Variants in SLC26A2 observed in about 807,000 individuals in gnomAD.
SLC26A2 encodes the protein sulfate transporter.
A neutral mutation model predicts 41.1 loss-of-function variants in SLC26A2; 36 were observed. That is an observed-to-expected ratio of 0.88 (90% CI 0.67 to 1.16). The LOEUF is 1.16. SLC26A2 is among the 50% of genes most tolerant of loss of function. The pLI, the probability that SLC26A2 is intolerant of heterozygous loss-of-function variation, is 0.00. For missense variants in SLC26A2, 796 were observed against 869.6 expected (o/e 0.92, Z 1.07); for synonymous variants, 291 against 311.6 (o/e 0.93, Z 0.70).
chr5:149,965,611 C>T (rs968551087), intron 1 of SLC26A2, among the ~76,000 whole-genome samples: 3 of 151,090 alleles, frequency 2.0e-5, no homozygotes, highest in Non-Finnish European at 4.4e-5. Context: ...GTAGCTCTTA[C>T]CAGTCTAGTC....
chr5:149,962,827 T>C (rs761649955), intron 1 of SLC26A2, among the ~76,000 whole-genome samples: 14 of 152,136 alleles, frequency 9.2e-5, no homozygotes, highest in Non-Finnish European at 1.6e-4. Flanking sequence ...TTTTTCCTTA[T>C]CATATAGCTG....
At chr5:149,967,959 T>TA (rs1754833903) in intron 1 of SLC26A2, among the ~76,000 whole-genome samples, 1 of 151,818 alleles carries the variant, frequency 6.6e-6, no homozygotes, top group Admixed American at 6.6e-5. Flanking sequence ...AATCATACAA[T>TA]ACTTGTCCTT....
intron 2 of SLC26A2, 34 bp from the exon 3 acceptor site, chr5:149,980,259 T>G: frequency 6.5e-7 from 1 of 1,546,774 alleles, no homozygotes; most frequent in Non-Finnish European, 8.9e-7. Flanking sequence ...TTCTTTTCCA[T>G]TTATATTTAA....
At chr5:149,979,718 G>A (rs1362137618) in intron 2 of SLC26A2, among the ~76,000 whole-genome samples, 1 of 130,162 alleles carries the variant, frequency 7.7e-6, no homozygotes, top group Admixed American at 8.9e-5. Flanking sequence ...CTTAGTATGA[G>A]GTTAAAGATA....
Position 149,981,307 on chromosome 5 carries a change from C to T in SLC26A2, c.1714C>T (p.Leu572Phe). The T allele has an allele frequency of 1.2e-6, 2 of 1,614,098 alleles. No homozygotes were observed. Among genetic ancestry groups the T allele is most frequent in the Non-Finnish European group, 1.7e-6 (2 of 1,179,994 alleles). ...VFESVSAYKN[L>F]QIKPGIKIFR... ...TGAATCTGTGTCTGCTTACAAGAAC[C>T]TTCAGATTAAGCCAGGCATCAAGAT... The change falls in exon 3 of 3, where the codon CTT becomes TTT. Residue 572 changes from leucine (L) to phenylalanine (F), a missense_variant. Transcript: ENST00000286298.
rs758533023 is a variant in SLC26A2, at chr5:149,981,166, C to G, written c.1573C>G (p.Leu525Val). 5 of 1,614,112 alleles carry G rather than the reference C, an allele frequency of 3.1e-6. No individual in the cohort carries two copies. Among genetic ancestry groups the G allele is most frequent in the Non-Finnish European group, 4.2e-6 (5 of 1,180,004 alleles). Residue 525 changes from leucine (L) to valine (V), a missense_variant, in exon 3 of 3, where the codon CTA (leucine) becomes GTA (valine). By Grantham distance (32) the Leu-to-Val change is conservative. Coordinates refer to ENST00000286298, the MANE Select transcript of SLC26A2 (RefSeq NM_000112.4). ...TGTTACTATGCTGTCCTCTGCACTG[C>G]TAAGTACTGAAATAGGCCTACTTGT... Reference protein sequence around the residue: ...WFVTMLSSALLSTEIGLLVGV... With the variant: ...WFVTMLSSALVSTEIGLLVGV...
chr5:149,967,011 T>C (rs1754816441), intron 1 of SLC26A2, among the ~76,000 whole-genome samples: 1 of 152,110 alleles, frequency 6.6e-6, no homozygotes, highest in Non-Finnish European at 1.5e-5. Context: ...GAAAACAAAA[T>C]GACTTAGCTG....
chr5:149,978,445 A>G, intron 2 of SLC26A2, 94 bp downstream of exon 2: 1 of 1,083,290 alleles, frequency 9.2e-7, no homozygotes, highest in Non-Finnish European at 1.4e-6. Flanking sequence ...CACAATAATT[A>G]AAGGTATCAT....
intron 1 of SLC26A2, among the ~76,000 whole-genome samples, chr5:149,975,761 C>T (rs1055745617): frequency 2.0e-5 from 3 of 152,134 alleles, no homozygotes; most frequent in Admixed American, 6.5e-5. Flanking sequence ...AGTCATAGGT[C>T]CTGGATTTTG....
intron 1 of SLC26A2, among the ~76,000 whole-genome samples, chr5:149,973,110 G>A (rs1754933293): frequency 6.6e-6 from 1 of 151,854 alleles, no homozygotes. Flanking sequence ...CTTGAGCCCA[G>A]GAGTTTGAGA....
chr5:149,962,688 G>C (rs775082981), intron 1 of SLC26A2, among the ~76,000 whole-genome samples: 3 of 152,178 alleles, frequency 2.0e-5, no homozygotes, highest in African/African-American at 7.2e-5. Context: ...GGATAATCAC[G>C]CTTTTAGTGA....
chr5:149,986,517 A>C lies in SLC26A2; in HGVS notation c.*4704A>C, dbSNP rs1455898561. 1 of 152,212 alleles carries C rather than the reference A, an allele frequency of 6.6e-6. No individual in the cohort carries two copies. The highest frequency in any genetic ancestry group is 2.4e-5 in the African/African-American group (1 of 41,458). 9.4% of individuals were successfully genotyped at this position (152,212 alleles called of 1,614,324 possible). On this transcript the variant is annotated 3_prime_UTR_variant, in exon 3 of 3. Coordinates refer to ENST00000286298, the MANE Select transcript of SLC26A2 (RefSeq NM_000112.4). The stretch of plus-strand genomic sequence containing the variant: ...AGAGGTGGGGAGATTTATTTTTATA[A>C]GGTAATTTTTATCCTGATAAGGACT...
rs1754689102 is a variant in SLC26A2, at chr5:149,960,875, A to T, written c.-130A>T. On this transcript the variant is annotated 5_prime_UTR_variant, in exon 1 of 3. Transcript: ENST00000286298. ...CCGAGCGATGGGCGGGGAAAGGGAC[A>T]GGCAGGTATAGCTCTGTCGGCGCCG... 6.6e-6 allele frequency: 1 copy of T among 152,286 alleles called. No individual in the cohort carries two copies. Among genetic ancestry groups the T allele is most frequent in the African/African-American group, 2.4e-5 (1 of 41,466 alleles). The allele number at this position is 152,286 out of a possible 1,614,324, so 9.4% of individuals were successfully genotyped here. A position where few individuals can be genotyped will look rare whatever the true frequency, so the allele number is the denominator to read the frequency against.
At chr5:149,974,190 C>G (rs1345603337) in intron 1 of SLC26A2, among the ~76,000 whole-genome samples, 2 of 152,122 alleles carry the variant, frequency 1.3e-5, no homozygotes, top group Admixed American at 6.5e-5. Flanking sequence ...AGATACCACT[C>G]CATCATGTTC....
At chr5:149,976,527 G>A (rs1754995369) in intron 1 of SLC26A2, among the ~76,000 whole-genome samples, 1 of 152,188 alleles carries the variant, frequency 6.6e-6, no homozygotes, top group Non-Finnish European at 1.5e-5. Flanking sequence ...TAAGTAAACA[G>A]CTTATGTAAA....
In SLC26A2 at chr5:149,981,584, T is replaced by C. The variant is rs1276614158; in HGVS notation, c.1991T>C (p.Ile664Thr). 6.2e-7 allele frequency: 1 copy of C among 1,614,082 alleles called. No individual in the cohort carries two copies. The highest frequency in any genetic ancestry group is 8.5e-7 in the Non-Finnish European group (1 of 1,179,988). The change falls in exon 3 of 3, where the codon ATC (isoleucine) becomes ACC (threonine). Residue 664 changes from isoleucine to threonine, a missense_variant. Coordinates refer to ENST00000286298, the MANE Select transcript of SLC26A2 (RefSeq NM_000112.4). Reference protein sequence around the residue: ...SAIQFLDTAGIHTLKEVRRDY... With the variant: ...SAIQFLDTAGTHTLKEVRRDY... ...ATTCAATTTTTAGATACAGCAGGGATCCACACACTGAAAGAAGTTCGCAGA... is the reference window on the plus strand; with the variant it reads ...ATTCAATTTTTAGATACAGCAGGGACCCACACACTGAAAGAAGTTCGCAGA...
At chr5:149,979,104 T>G (rs1755049529) in intron 2 of SLC26A2, among the ~76,000 whole-genome samples, 1 of 152,032 alleles carries the variant, frequency 6.6e-6, no homozygotes, top group Non-Finnish European at 1.5e-5. Flanking sequence ...CTTGGATTGT[T>G]GGGGAGGGAG....
chr5:149,965,966 G>T (rs915850092), intron 1 of SLC26A2, among the ~76,000 whole-genome samples: 2 of 152,046 alleles, frequency 1.3e-5, no homozygotes, highest in African/African-American at 4.8e-5. Flanking sequence ...GTGCAGTGGC[G>T]CAATCTCAAC....
intron 1 of SLC26A2, among the ~76,000 whole-genome samples, chr5:149,968,683 G>C (rs892211835): frequency 2.6e-5 from 4 of 151,114 alleles, no homozygotes; most frequent in Non-Finnish European, 5.9e-5. Flanking sequence ...GCCTCCCAAA[G>C]TGCTGGGATT....
Sources: allele counts gnomAD v4.1 joint callset (sites outside exome capture counted in the v4.1 genomes callset), GRCh38; gene constraint gnomAD v4.1.1; transcripts MANE v1.5; gene names NCBI Gene and HGNC (gene_info 2026-07-23, HGNC 2026-07-21).